SLC1A5: variants seen among roughly 807,000 people sequenced by gnomAD.
SLC1A5 encodes the protein neutral amino acid transporter B(0).
Under a neutral mutation model 34.9 loss-of-function variants are expected in SLC1A5, and 25 were observed. The observed-to-expected ratio is 0.72, with a 90% CI of 0.52 to 1.00. The LOEUF (loss-of-function observed/expected upper bound fraction) is 1.00, where lower values mean the gene tolerates loss of function less well. Ranked by LOEUF, SLC1A5 falls within the 50% of genes least tolerant of loss-of-function variation. The pLI is 0.00. For synonymous variants in SLC1A5, 351 were observed against 341.2 expected (o/e 1.03, Z -0.32); for missense variants, 637 against 740.0 (o/e 0.86, Z 1.61).
At chr19:46,780,343 G>A (rs1368525609) in intron 4 of SLC1A5, among the ~76,000 whole-genome samples, 3 of 151,726 alleles carry the variant, frequency 2.0e-5, no homozygotes, top group East Asian at 2.0e-4. Flanking sequence ...TTCAAAAAAC[G>A]TTTTTTTAAA....
chr19:46,782,338 A>ACCCCCCAACCCCCCCC, intron 4 of SLC1A5, 45 bp downstream of exon 4: 4 of 1,009,376 alleles, frequency 4.0e-6, no homozygotes, highest in Non-Finnish European at 6.0e-6. Flanking sequence ...CAGCAGACCG[A>ACCCCCCAACCCCCCCC]CCCTCCAACC....
intron 3 of SLC1A5, among the ~76,000 whole-genome samples, chr19:46,783,575 T>C (rs574619641): frequency 1.3e-5 from 2 of 151,802 alleles, no homozygotes; most frequent in South Asian, 4.2e-4. Context: ...GGTGGGCAGA[T>C]CACTTGAGCC....
At position 46,775,148 on chromosome 19, in the gene SLC1A5, A is replaced by T; in HGVS notation, c.*362T>A. On this transcript the variant is annotated 3_prime_UTR_variant, in exon 8 of 8. Transcript: ENST00000542575. Reference sequence around the variant, plus strand: ...GCCAAAATAACCAGCATGGTGTTGTAACATCCCCCCAGTGGGGGCTAGAAT... The same window carrying T: ...GCCAAAATAACCAGCATGGTGTTGTTACATCCCCCCAGTGGGGGCTAGAAT... 9.5e-7 allele frequency: 1 copy of T among 1,047,266 alleles called. No homozygotes were observed. Among genetic ancestry groups the T allele is most frequent in the South Asian group, 3.5e-5 (1 of 28,632 alleles). The allele number at this position is 1,047,266 out of a possible 1,614,324, so 64.9% of individuals were successfully genotyped here.
intron 4 of SLC1A5, among the ~76,000 whole-genome samples, chr19:46,780,268 G>A (rs939741370): frequency 1.3e-5 from 2 of 152,134 alleles, no homozygotes; most frequent in South Asian, 2.1e-4. Flanking sequence ...CAGGAGGTCC[G>A]GGCTGCAGTG....
At position 46,778,841 on chromosome 19, in the gene SLC1A5, G is replaced by A; in HGVS notation, c.892C>T (p.Leu298Phe). 1.2e-6 allele frequency: 2 copies of A among 1,608,762 alleles called. No homozygotes were observed. The highest frequency in any genetic ancestry group is 1.7e-6 in the Non-Finnish European group (2 of 1,177,228). ...KIVEMEDVGL[L>F]FARLGKYILC... ...ATGTACTTGCCAAGGCGGGCAAAGA[G>A]TAAACCCACATCCTCCATCTCCACG... The change falls in exon 5 of 8, where the codon CTC (leucine) becomes TTC (phenylalanine). Residue 298 changes from leucine to phenylalanine, a missense_variant. Coordinates refer to ENST00000542575, the MANE Select transcript of SLC1A5 (RefSeq NM_005628.3).
At position 46,787,215 on chromosome 19, in the gene SLC1A5, C is replaced by T; in HGVS notation, c.566+185G>A. The T allele has an allele frequency of 7.0e-7, 1 of 1,422,304 alleles. No individual in the cohort carries two copies. Among genetic ancestry groups the T allele is most frequent in the Non-Finnish European group, 9.2e-7 (1 of 1,091,538 alleles). The allele number at this position is 1,422,304 out of a possible 1,614,324, so 88.1% of individuals were successfully genotyped here. A position where few individuals can be genotyped will look rare whatever the true frequency, so the allele number is the denominator to read the frequency against. On this transcript the variant is annotated intron_variant, in intron 1 of 7. Coordinates refer to ENST00000542575, the MANE Select transcript of SLC1A5 (RefSeq NM_005628.3). This position sits in a 1 kb window ranked among gnomAD's most constrained non-coding sequence, Gnocchi z 5.2. ...ACCCAGGCCCCCAGATTTAGAAACC[C>T]CTTCCCCAGGAGACTAGACTCACAC...
intron 3 of SLC1A5, among the ~76,000 whole-genome samples, chr19:46,783,450 G>A (rs1599734020): frequency 8.4e-6 from 1 of 119,512 alleles, no homozygotes; most frequent in East Asian, 2.3e-4. Context: ...TGGACAACAA[G>A]TACAAAATTC....
chr19:46,787,744 C>G lies in SLC1A5; in HGVS notation c.222G>C (p.Gly74=). The change falls in exon 1 of 8, where the codon GGG becomes GGC. Residue 74 remains glycine (G), a synonymous_variant. Transcript: ENST00000542575. This position sits in a 1 kb window ranked among gnomAD's most constrained non-coding sequence, Gnocchi z 5.2. The stretch of plus-strand genomic sequence containing the variant: ...GGCCCAACGCCAGCGCACCCCCGGC[C>G]CCCGACACCCCCAGTCCCAGCGCCA... ...AGVALGLGVS[G]AGGALALGPE... 6.4e-7 allele frequency: 1 copy of G among 1,553,524 alleles called. No individual in the cohort carries two copies. The highest frequency in any genetic ancestry group is 1.4e-5 in the African/African-American group (1 of 73,836).
chr19:46,785,384 T>C (rs1251415373), intron 1 of SLC1A5, among the ~76,000 whole-genome samples: 1 of 151,980 alleles, frequency 6.6e-6, no homozygotes, highest in African/African-American at 2.4e-5. Context: ...TCTCAAAAAA[T>C]ATATATAGCA....
In SLC1A5 at chr19:46,775,169, A is replaced by G; in HGVS notation, c.*341T>C. 9.4e-7 allele frequency: 1 copy of G among 1,059,164 alleles called. No individual in the cohort carries two copies. Among genetic ancestry groups the G allele is most frequent in the Non-Finnish European group, 1.1e-6 (1 of 875,640 alleles). 65.6% of individuals were successfully genotyped at this position (1,059,164 alleles called of 1,614,324 possible). A position where few individuals can be genotyped will look rare whatever the true frequency, so the allele number is the denominator to read the frequency against. On this transcript the variant is annotated 3_prime_UTR_variant, in exon 8 of 8. Transcript: ENST00000542575. ...TTGTAACATCCCCCCAGTGGGGGCT[A>G]GAATTCCCCATGGTGACCTGTGACC...
intron 4 of SLC1A5, 110 bp from the exon 5 acceptor site, chr19:46,779,018 GC>G: frequency 1.3e-6 from 1 of 747,198 alleles, no homozygotes; most frequent in Non-Finnish European, 2.2e-6. Context: ...GTCAGGAGAA[GC>G]CCCAGCAATG....
intron 4 of SLC1A5, 41 bp downstream of exon 4, chr19:46,782,342 T>TACCAACCCCCCCCCCCCCCC: frequency 1.9e-6 from 1 of 523,372 alleles, no homozygotes; most frequent in Non-Finnish European, 3.5e-6. Context: ...AGACCGACCC[T>TACCAACCCCCCCCCCCCCCC]CCAACCCCAC....
chr19:46,781,322 GGC>G (rs1319617418), intron 4 of SLC1A5, among the ~76,000 whole-genome samples: 1 of 152,228 alleles, frequency 6.6e-6, no homozygotes, highest in African/African-American at 2.4e-5. Flanking sequence ...CCCAAGTCCG[GGC>G]GCGGTGGCTC....
intron 4 of SLC1A5, 41 bp downstream of exon 4, chr19:46,782,342 T>TTCAAACCCCCCCCCCCC: frequency 1.9e-6 from 1 of 523,370 alleles, no homozygotes; most frequent in South Asian, 1.8e-5. Context: ...AGACCGACCC[T>TTCAAACCCCCCCCCCCC]CCAACCCCAC....
chr19:46,787,267 T>C lies in SLC1A5; in HGVS notation c.566+133A>G, dbSNP rs541321972. On this transcript the variant is annotated intron_variant, in intron 1 of 7. Transcript: ENST00000542575. This position sits in a 1 kb window ranked among gnomAD's most constrained non-coding sequence, Gnocchi z 5.2. Reference sequence around the variant, plus strand: ...CCCGAGGGCTGGAGCCTCCCCTCAATATCCTGTCGAGTTTTCCTAAGACTC... The same window carrying C: ...CCCGAGGGCTGGAGCCTCCCCTCAACATCCTGTCGAGTTTTCCTAAGACTC... 5.3e-5 allele frequency: 77 copies of C among 1,457,908 alleles called. 1 individual carries two copies. The South Asian group carries it at 1.1e-3, about 21-fold the overall frequency. The allele number at this position is 1,457,908 out of a possible 1,614,324, so 90.3% of individuals were successfully genotyped here.
In SLC1A5 at chr19:46,782,346, A is replaced by ACCCCCCCCCCCCCCCCCCCCCCACCCCCC; in HGVS notation, c.824+36_824+37insGGGGGGTGGGGGGGGGGGGGGGGGGGGGG. The ACCCCCCCCCCCCCCCCCCCCCCACCCCCC allele has an allele frequency of 1.6e-5, 9 of 567,980 alleles. 1 individual carries two copies. The highest frequency in any genetic ancestry group is 3.6e-5 in the East Asian group (1 of 27,894). The allele number at this position is 567,980 out of a possible 1,614,324, so 35.2% of individuals were successfully genotyped here. ...CCTCTGGCAGCAGACCGACCCTCCAACCCCACCCACCCCCAGCCTCCTCTC... is the reference window on the plus strand; with the variant it reads ...CCTCTGGCAGCAGACCGACCCTCCAACCCCCCCCCCCCCCCCCCCCCCACCCCCCCCCCACCCACCCCCAGCCTCCTCTC... On this transcript the variant is annotated intron_variant, in intron 4 of 7. Transcript: ENST00000542575.
intron 7 of SLC1A5, 94 bp from the exon 8 acceptor site, chr19:46,775,841 CT>C: frequency 1.5e-6 from 2 of 1,322,092 alleles, no homozygotes; most frequent in Non-Finnish European, 2.0e-6. Flanking sequence ...CTCTCTCCCC[CT>C]GGAATCTAAA....
At chr19:46,784,059 A>G in intron 3 of SLC1A5, 38 bp downstream of exon 3, 4 of 1,569,424 alleles carry the variant, frequency 2.5e-6, no homozygotes, top group Non-Finnish European at 3.5e-6. Context: ...AGCAATAGGC[A>G]AAGAGGTAGA....
intron 4 of SLC1A5, among the ~76,000 whole-genome samples, chr19:46,780,613 C>T (rs2055138522): frequency 6.6e-6 from 1 of 151,890 alleles, no homozygotes; most frequent in Non-Finnish European, 1.5e-5. Flanking sequence ...CCCCCTCAGC[C>T]TCCCAAAGTG....
Sources: gnomAD v4.1 joint callset for allele counts (sites outside exome capture counted in the v4.1 genomes callset) on GRCh38, gnomAD v4.1.1 for gene constraint, Gnocchi (gnomAD v3.1) non-coding constraint, MANE v1.5 for transcripts, NCBI Gene and HGNC (gene_info 2026-07-23, HGNC 2026-07-21) for gene names.